Variants in MYPN observed in about 807,000 individuals in gnomAD.
The protein encoded by MYPN is myopalladin.
A neutral mutation model predicts 129.4 loss-of-function variants in MYPN; 63 were observed. That is an observed-to-expected ratio of 0.49 (90% CI 0.40 to 0.60). The LOEUF (loss-of-function observed/expected upper bound fraction) is 0.60, where lower values mean the gene tolerates loss of function less well. Among genes scored for constraint, MYPN ranks in the 20% least tolerant of loss-of-function variants. The pLI is 0.00. For synonymous variants in MYPN, 629 were observed against 600.9 expected (o/e 1.05, Z -0.68); for missense variants, 1,596 against 1,635.4 (o/e 0.98, Z 0.42).
At position 68,152,782 on chromosome 10, in the gene MYPN, G is replaced by A. The variant is rs187441718; in HGVS notation, c.1317+2671G>A. ...CTCCAGAGTAGCTGGAATAGCAGGC[G>A]TCCACCACCATGCCTGGCTAATCTT... On this transcript the variant is annotated intron_variant, in intron 6 of 19. Coordinates refer to ENST00000358913, the MANE Select transcript of MYPN (RefSeq NM_032578.4). 1.3e-3 allele frequency among the ~76,000 whole-genome samples: 192 copies of A among 151,904 alleles called. No homozygotes were observed. The Middle Eastern group carries it at 0.014, about 11-fold the overall frequency.
upstream of MYPN, among the ~76,000 whole-genome samples, chr10:68,103,371 G>A (rs565929404): frequency 5.3e-5 from 8 of 152,230 alleles, no homozygotes; most frequent in East Asian, 3.9e-4. Context: ...TGTATTAGCC[G>A]TTGCTATTTC....
chr10:68,164,326 T>C (rs770352401), intron 8 of MYPN, among the ~76,000 whole-genome samples: 2 of 152,184 alleles, frequency 1.3e-5, no homozygotes, highest in South Asian at 2.1e-4. Flanking sequence ...CTTACTTTCA[T>C]GACGAACCCA....
chr10:68,128,169 G>C (rs772125900), intron 2 of MYPN, among the ~76,000 whole-genome samples: 58 of 152,152 alleles, frequency 3.8e-4, no homozygotes, highest in Non-Finnish European at 7.6e-4. Context: ...ATACGTTCAT[G>C]TATTACCCAG....
At chr10:68,096,668 T>C (rs1362939974) in intron 1 of MYPN, among the ~76,000 whole-genome samples, 1 of 152,246 alleles carries the variant, frequency 6.6e-6, no homozygotes, top group Admixed American at 6.5e-5. Context: ...ATCATCATTA[T>C]CCTCAGGAGC....
chr10:68,111,486 C>T (rs2042081139), intron 1 of MYPN, among the ~76,000 whole-genome samples: 1 of 152,030 alleles, frequency 6.6e-6, no homozygotes, highest in Admixed American at 6.6e-5. Flanking sequence ...GTTTTCTTAA[C>T]AGGTTTTCCC....
chr10:68,204,872 C>G (rs1010859125), intron 18 of MYPN, among the ~76,000 whole-genome samples: 2 of 151,984 alleles, frequency 1.3e-5, no homozygotes, highest in Non-Finnish European at 2.9e-5. Flanking sequence ...CTTCCTAGTC[C>G]CCCCACTTGC....
At chr10:68,160,625 C>T (rs1770895283) in intron 7 of MYPN, among the ~76,000 whole-genome samples, 1 of 152,106 alleles carries the variant, frequency 6.6e-6, no homozygotes, top group African/African-American at 2.4e-5. Flanking sequence ...AAGATAAGAA[C>T]CTACTCTTGG....
chr10:68,173,964 G>C (rs1160282371), intron 10 of MYPN, 102 bp from the exon 11 acceptor site: 17 of 996,036 alleles, frequency 1.7e-5, no homozygotes, highest in Non-Finnish European at 1.9e-5. Context: ...ACCATGCCCC[G>C]CCTATCATCA....
At chr10:68,115,821 G>A (rs2042149580) in intron 1 of MYPN, among the ~76,000 whole-genome samples, 2 of 151,870 alleles carry the variant, frequency 1.3e-5, no homozygotes, top group South Asian at 4.2e-4. Context: ...GCACTTCTTC[G>A]CTCACTGGGC....
intron 1 of MYPN, among the ~76,000 whole-genome samples, chr10:68,090,233 G>A (rs568945933): frequency 1.1e-4 from 16 of 152,218 alleles, no homozygotes; most frequent in Non-Finnish European, 1.9e-4. Flanking sequence ...CGCAATCTCA[G>A]CTCACTGCAA....
intron 19 of MYPN, 102 bp downstream of exon 19, chr10:68,207,005 C>T: frequency 6.9e-7 from 1 of 1,458,176 alleles, no homozygotes; most frequent in Non-Finnish European, 9.4e-7. Flanking sequence ...TGCCTGTAAT[C>T]CCAGCACTTT....
upstream of MYPN, among the ~76,000 whole-genome samples, chr10:68,103,224 T>C (rs2041990506): frequency 6.6e-6 from 1 of 152,234 alleles, no homozygotes; most frequent in Admixed American, 6.5e-5. Flanking sequence ...TACAAATTTC[T>C]TTTGAATTTT....
chr10:68,159,178 A>T (rs2042933167), intron 7 of MYPN, among the ~76,000 whole-genome samples: 1 of 152,230 alleles, frequency 6.6e-6, no homozygotes, highest in African/African-American at 2.4e-5. Flanking sequence ...CACACAATTA[A>T]TCAGCCAAAA....
rs918016990 is a variant in MYPN at position 68,111,394 on chromosome 10, A to AT, written c.-2+1680dup. Among the ~76,000 whole-genome samples, 7 of 151,740 alleles carry AT rather than the reference A, an allele frequency of 4.6e-5. 1 individual carries two copies. In the South Asian group the frequency reaches 8.4e-4, roughly 18 times the overall value. The stretch of plus-strand genomic sequence containing the variant: ...GCTCCTGCCAACCCTAGAACAATTA[A>AT]TTTTTTTTTCATTCACATTGAGATT... On this transcript the variant is annotated intron_variant, in intron 1 of 19. Transcript: ENST00000358913.
At chr10:68,192,169 C>T (rs955986900) in intron 13 of MYPN, among the ~76,000 whole-genome samples, 1 of 151,958 alleles carries the variant, frequency 6.6e-6, no homozygotes, top group African/African-American at 2.4e-5. Context: ...GTGTTGTGTT[C>T]CTTCTACACT....
Position 68,100,167 on chromosome 10 carries a change from G to C in MYPN, c.-2+12175G>C, listed in dbSNP as rs866541828. ...TCAGTTTCATCCTTCACTAAATAGGGATAATGACCTATACTTCCTGGGTTA... is the reference window on the plus strand; with the variant it reads ...TCAGTTTCATCCTTCACTAAATAGGCATAATGACCTATACTTCCTGGGTTA... On this transcript the variant is annotated intron_variant, in intron 1 of 6. Transcript: ENST00000685154. Among the ~76,000 whole-genome samples, 14 of 152,204 alleles carry C rather than the reference G, an allele frequency of 9.2e-5. No individual in the cohort carries two copies. The South Asian group carries it at 2.1e-3, about 23-fold the overall frequency.
chr10:68,208,583 C>T (rs545787934), intron 19 of MYPN, among the ~76,000 whole-genome samples: 4 of 152,248 alleles, frequency 2.6e-5, no homozygotes, highest in Admixed American at 2.0e-4. Context: ...AGAAACTCCC[C>T]ACCAATAAGC....
intron 12 of MYPN, among the ~76,000 whole-genome samples, chr10:68,186,252 G>C (rs1367124581): frequency 6.6e-6 from 1 of 152,130 alleles, no homozygotes; most frequent in Non-Finnish European, 1.5e-5. Context: ...AGACGAGGCA[G>C]AGAGGAGCAG....
At chr10:68,148,312 G>A in intron 4 of MYPN, 41 bp from the exon 5 acceptor site, 1 of 1,446,654 alleles carries the variant, frequency 6.9e-7, no homozygotes, top group Non-Finnish European at 9.7e-7. Context: ...CACAAAGAGT[G>A]ATAGGTCTAT....
Sources: allele counts gnomAD v4.1 joint callset (sites outside exome capture counted in the v4.1 genomes callset), GRCh38; gene constraint gnomAD v4.1.1; transcripts MANE v1.5; gene names NCBI Gene and HGNC (gene_info 2026-07-23, HGNC 2026-07-21).